FCHO2: variants seen among roughly 807,000 people sequenced by gnomAD.
FCHO2 encodes FCH and mu domain containing endocytic adaptor 2, also known as F-BAR domain only protein 2.
A neutral mutation model predicts 114.1 loss-of-function variants in FCHO2; 43 were observed. The ratio of observed to expected loss-of-function variants is 0.38; its 90% CI spans 0.30 to 0.49. The LOEUF is 0.49. FCHO2 is among the 20% of genes least tolerant of loss of function. The pLI is 0.97. For missense variants in FCHO2, 807 were observed against 950.4 expected, an observed-to-expected ratio of 0.85 and a Z score of 1.98; for synonymous variants, 293 against 315.2, an observed-to-expected ratio of 0.93 and a Z score of 0.75.
chr5:73,062,134 A>C (rs1757884896), intron 17 of FCHO2, among the ~76,000 whole-genome samples: 2 of 151,960 alleles, frequency 1.3e-5, no homozygotes, highest in African/African-American at 4.8e-5. Flanking sequence ...ACTGATCTCC[A>C]CCCCACCACC....
chr5:73,023,090 A>G (rs951578792), intron 8 of FCHO2, among the ~76,000 whole-genome samples: 1 of 152,192 alleles, frequency 6.6e-6, no homozygotes, highest in Non-Finnish European at 1.5e-5. Flanking sequence ...TGCCCAGATC[A>G]TGGAGGAGCA....
At chr5:73,028,169 C>T (rs1001950083) in intron 8 of FCHO2, among the ~76,000 whole-genome samples, 8 of 152,164 alleles carry the variant, frequency 5.3e-5, no homozygotes, top group African/African-American at 1.9e-4. Context: ...AGCACTCCAG[C>T]CTGGGTGACA....
At chr5:73,027,026 T>G (rs538903643) in intron 8 of FCHO2, among the ~76,000 whole-genome samples, 339 of 150,778 alleles carry the variant, frequency 2.2e-3, no homozygotes, top group East Asian at 8.3e-3. Context: ...TTGTTTTTTT[T>G]TTTTTTTTTT....
At chr5:72,989,730 C>T (rs1216687436) in intron 3 of FCHO2, among the ~76,000 whole-genome samples, 1 of 152,100 alleles carries the variant, frequency 6.6e-6, no homozygotes, top group East Asian at 1.9e-4. Context: ...TTTTTAAAAA[C>T]TAGTCATTCA....
chr5:73,077,405 A>C lies in FCHO2; in HGVS notation c.1759A>C (p.Ser587Arg). Residue 587 changes from serine to arginine, a missense_variant, in exon 21 of 26, where the codon AGC becomes CGC. Ser to Arg is a moderately radical substitution (Grantham distance 110, BLOSUM62 -1). Transcript: ENST00000430046. The part of the protein sequence containing the change: ...FPSGIIKVFT[S>R]NPTPAVLCFR... ...AAGTGGAATTATTAAAGTCTTCACC[A>C]GCAATCCAACTCCAGCTGTGTTGTG... is the stretch of plus-strand genomic sequence containing the variant. 6.3e-7 allele frequency: 1 copy of C among 1,593,146 alleles called. No homozygotes were observed. Among genetic ancestry groups the C allele is most frequent in the Non-Finnish European group, 8.6e-7 (1 of 1,168,912 alleles).
chr5:72,962,957 A>G (rs536931939), intron 1 of FCHO2, among the ~76,000 whole-genome samples: 19 of 152,130 alleles, frequency 1.2e-4, no homozygotes, highest in Non-Finnish European at 2.6e-4. Context: ...GATAAGTATA[A>G]ATTGTTGTGA....
At chr5:73,054,444 T>C (rs1030780098) in intron 14 of FCHO2, 81 bp from the exon 15 acceptor site, 155 of 1,208,452 alleles carry the variant, frequency 1.3e-4, no homozygotes, top group Non-Finnish European at 1.1e-4. Flanking sequence ...TAAAATTAGG[T>C]TCCCAGTATT....
intron 8 of FCHO2, among the ~76,000 whole-genome samples, chr5:73,018,260 T>C (rs1483758754): frequency 6.6e-6 from 1 of 152,198 alleles, no homozygotes; most frequent in East Asian, 1.9e-4. Flanking sequence ...TATTAGTATT[T>C]TTCCCTTCAG....
intron 8 of FCHO2, among the ~76,000 whole-genome samples, chr5:73,026,553 T>A (rs142906198): frequency 1.3e-5 from 2 of 152,244 alleles, no homozygotes; most frequent in Admixed American, 6.5e-5. Context: ...GTCAGTTATC[T>A]ATTGAAAGAT....
chr5:73,042,497 T>C (rs964883155), intron 11 of FCHO2, among the ~76,000 whole-genome samples: 7 of 152,206 alleles, frequency 4.6e-5, no homozygotes, highest in East Asian at 1.9e-4. Context: ...ACTGATACTA[T>C]TTTATAATGA....
At position 73,028,851 on chromosome 5, in the gene FCHO2, A is replaced by G. The variant is rs1007197037; in HGVS notation, c.797-5806A>G. ...TTTTTAGTGGAGACAGGGTTTCACC[A>G]TAGGCCAGGGTGGTCTTGAACTCCT... On this transcript the variant is annotated intron_variant, in intron 8 of 25. Transcript: ENST00000430046. Among the ~76,000 whole-genome samples, 2 of 152,012 alleles carry G rather than the reference A, an allele frequency of 1.3e-5. 1 individual carries two copies. The highest frequency in any genetic ancestry group is 1.3e-4 in the Admixed American group (2 of 15,246).
intron 2 of FCHO2, among the ~76,000 whole-genome samples, chr5:72,980,477 C>T (rs1355067363): frequency 1.3e-5 from 2 of 152,136 alleles, no homozygotes; most frequent in African/African-American, 4.8e-5. Flanking sequence ...TGGTCCAGAG[C>T]TGAGTTCAAT....
chr5:73,045,155 A>G (rs1756996712), intron 11 of FCHO2, among the ~76,000 whole-genome samples: 1 of 152,232 alleles, frequency 6.6e-6, no homozygotes, highest in Non-Finnish European at 1.5e-5. Context: ...CAAAACTGTC[A>G]TGTAATATCA....
chr5:72,967,045 G>A (rs1752241126), intron 1 of FCHO2, among the ~76,000 whole-genome samples: 1 of 152,186 alleles, frequency 6.6e-6, no homozygotes, highest in African/African-American at 2.4e-5. Flanking sequence ...CAGCACATTG[G>A]GAAGCCAAGG....
intron 2 of FCHO2, among the ~76,000 whole-genome samples, chr5:72,979,780 C>T (rs1340361407): frequency 6.6e-6 from 1 of 152,188 alleles, no homozygotes; most frequent in African/African-American, 2.4e-5. Flanking sequence ...TCTATTGGAT[C>T]AGTGGTGATA....
At chr5:73,039,876 C>T (rs7733974) in intron 10 of FCHO2, among the ~76,000 whole-genome samples, 44,955 of 150,074 alleles carry the variant, frequency 0.3, 6,906 homozygotes, top group East Asian at 0.44. Context: ...TGCAGTGAGC[C>T]GAGACGATGC....
intron 22 of FCHO2, among the ~76,000 whole-genome samples, chr5:73,078,730 C>G (rs1447326966): frequency 2.0e-5 from 3 of 152,094 alleles, no homozygotes; most frequent in Non-Finnish European, 2.9e-5. Context: ...AAAGAGGAAT[C>G]AAAATTATTA....
intron 11 of FCHO2, among the ~76,000 whole-genome samples, chr5:73,042,642 T>A (rs6452798): frequency 0.3 from 45,277 of 151,852 alleles, 6,973 homozygotes; most frequent in East Asian, 0.44. Context: ...CTAGAAAAAA[T>A]ACGTTATAAA....
chr5:72,974,795 G>A (rs1011786489), intron 2 of FCHO2, among the ~76,000 whole-genome samples: 1 of 152,124 alleles, frequency 6.6e-6, no homozygotes, highest in Non-Finnish European at 1.5e-5. Flanking sequence ...TTTCTTCCTA[G>A]TCTTGATGGT....
Sources: gnomAD v4.1 joint callset for allele counts (sites outside exome capture counted in the v4.1 genomes callset) on GRCh38, gnomAD v4.1.1 for gene constraint, MANE v1.5 for transcripts, NCBI Gene and HGNC (gene_info 2026-07-23, HGNC 2026-07-21) for gene names.